SUCLG2: variants seen among roughly 807,000 people sequenced by gnomAD.
The protein encoded by SUCLG2 is succinate-CoA ligase GDP-forming subunit beta.
In SUCLG2, 42 loss-of-function variants were observed where a neutral mutation model predicts 47.9. The ratio of observed to expected loss-of-function variants is 0.88; its 90% CI spans 0.69 to 1.14. The LOEUF is 1.14. Ranked by LOEUF, SUCLG2 falls within the 50% of genes most tolerant of loss-of-function variation. SUCLG2 has a pLI of 0.00. For missense variants in SUCLG2, 571 were observed against 525.9 expected (o/e 1.09, Z -0.84); for synonymous variants, 195 against 197.3 (o/e 0.99, Z 0.10).
intron 1 of SUCLG2, among the ~76,000 whole-genome samples, chr3:67,642,627 T>A (rs562728978): frequency 6.6e-6 from 1 of 151,998 alleles, no homozygotes; most frequent in Admixed American, 6.6e-5. Context: ...CATAAATAAG[T>A]AAAGAAAATA....
intron 2 of SUCLG2, among the ~76,000 whole-genome samples, chr3:67,598,361 C>G (rs764270866): frequency 2.6e-5 from 4 of 152,154 alleles, no homozygotes; most frequent in Non-Finnish European, 5.9e-5. Context: ...TAATCTTATT[C>G]AGGTAACCAA....
chr3:67,606,927 G>A (rs1700429334), intron 2 of SUCLG2, among the ~76,000 whole-genome samples: 1 of 152,170 alleles, frequency 6.6e-6, no homozygotes, highest in Non-Finnish European at 1.5e-5. Context: ...CATAGAAAGG[G>A]TCTGGTGTAT....
chr3:67,523,249 G>C (rs1339158663), intron 4 of SUCLG2, among the ~76,000 whole-genome samples: 1 of 152,154 alleles, frequency 6.6e-6, no homozygotes, highest in African/African-American at 2.4e-5. Flanking sequence ...ATAATGGAAT[G>C]AATATAGAAC....
intron 9 of SUCLG2, among the ~76,000 whole-genome samples, chr3:67,427,940 T>G (rs984651879): frequency 9.2e-5 from 14 of 152,164 alleles, no homozygotes; most frequent in African/African-American, 3.4e-4. Context: ...TTGCTGAGGC[T>G]TGAGTAGGTA....
chr3:67,545,360 C>A (rs1379277916), intron 2 of SUCLG2, among the ~76,000 whole-genome samples: 1 of 152,156 alleles, frequency 6.6e-6, no homozygotes, highest in Non-Finnish European at 1.5e-5. Context: ...TGACCTACCC[C>A]AAGAGAGATG....
chr3:67,390,787 G>C (rs926014588), intron 10 of SUCLG2, among the ~76,000 whole-genome samples: 1 of 152,078 alleles, frequency 6.6e-6, no homozygotes, highest in Non-Finnish European at 1.5e-5. Context: ...TGTACAAAGC[G>C]TTTTGGCCAA....
At chr3:67,652,771 T>C (rs77498358) in intron 1 of SUCLG2, among the ~76,000 whole-genome samples, 1 of 152,214 alleles carries the variant, frequency 6.6e-6, no homozygotes, top group Non-Finnish European at 1.5e-5. Flanking sequence ...AAACTCTCAC[T>C]GTATCGTTGA....
At chr3:67,461,640 G>C (rs1704338336) in intron 9 of SUCLG2, among the ~76,000 whole-genome samples, 2 of 151,922 alleles carry the variant, frequency 1.3e-5, no homozygotes, top group Admixed American at 6.6e-5. Context: ...AAAATGCCTT[G>C]TTATGGTGAG....
chr3:67,637,730 C>CT, intron 1 of SUCLG2, among the ~76,000 whole-genome samples: 1 of 152,256 alleles, frequency 6.6e-6, no homozygotes, highest in Non-Finnish European at 1.5e-5. Context: ...CTCTGCCTTT[C>CT]TTTTTTGGAG....
chr3:67,650,171 T>C (rs1458538465), intron 1 of SUCLG2, among the ~76,000 whole-genome samples: 35 of 152,206 alleles, frequency 2.3e-4, no homozygotes, highest in Admixed American at 2.3e-3. Context: ...ATATTTATTC[T>C]CCTAGGCAAG....
chr3:67,529,299 CTCAAACTAACT>C, intron 2 of SUCLG2, 113 bp from the exon 3 acceptor site: 1 of 712,736 alleles, frequency 1.4e-6, no homozygotes, highest in Non-Finnish European at 2.3e-6. Flanking sequence ...TAAAAGCTCT[CTCAAACTAACT>C]TTGAAAATAA....
intron 9 of SUCLG2, among the ~76,000 whole-genome samples, chr3:67,469,027 C>T (rs1432246256): frequency 6.6e-6 from 1 of 152,106 alleles, no homozygotes; most frequent in East Asian, 1.9e-4. Flanking sequence ...GAAAGAAAAA[C>T]ATGAGAAGGG....
intron 9 of SUCLG2, among the ~76,000 whole-genome samples, chr3:67,459,743 A>G (rs1704279504): frequency 6.6e-6 from 1 of 152,204 alleles, no homozygotes; most frequent in African/African-American, 2.4e-5. Flanking sequence ...TCTCTTACAT[A>G]AAGGAACACT....
At chr3:67,456,525 T>C (rs532211495) in intron 9 of SUCLG2, among the ~76,000 whole-genome samples, 2 of 152,298 alleles carry the variant, frequency 1.3e-5, no homozygotes, top group Admixed American at 1.3e-4. Flanking sequence ...AGTTGCCCTG[T>C]GATCCATGGT....
intron 2 of SUCLG2, among the ~76,000 whole-genome samples, chr3:67,585,988 AAAACC>A (rs1559583756): frequency 6.1e-5 from 3 of 49,426 alleles, no homozygotes; most frequent in African/African-American, 9.7e-5. Flanking sequence ...AAAAAAAAAA[AAAACC>A]AAACCCACAA....
intron 1 of SUCLG2, among the ~76,000 whole-genome samples, chr3:67,647,895 T>C (rs1231727753): frequency 6.6e-6 from 1 of 152,136 alleles, no homozygotes; most frequent in African/African-American, 2.4e-5. Flanking sequence ...TGAAATAAAA[T>C]GTATGGAAGC....
At chr3:67,394,915 C>T (rs906753052) in intron 10 of SUCLG2, among the ~76,000 whole-genome samples, 1 of 151,902 alleles carries the variant, frequency 6.6e-6, no homozygotes, top group African/African-American at 2.4e-5. Flanking sequence ...TCATATCCAC[C>T]CAAACTAAAC....
chr3:67,461,230 A>G (rs994602712), intron 9 of SUCLG2, among the ~76,000 whole-genome samples: 1 of 152,204 alleles, frequency 6.6e-6, no homozygotes, highest in African/African-American at 2.4e-5. Flanking sequence ...CACAGCATGC[A>G]TGAGTTTAAC....
intron 10 of SUCLG2, among the ~76,000 whole-genome samples, chr3:67,361,225 T>C (rs1010680436): frequency 6.6e-6 from 1 of 151,974 alleles, no homozygotes; most frequent in African/African-American, 2.4e-5. Context: ...CACCTATAAA[T>C]GGTAATTATA....
Sources: gnomAD v4.1 joint callset for allele counts (sites outside exome capture counted in the v4.1 genomes callset) on GRCh38, gnomAD v4.1.1 for gene constraint, MANE v1.5 for transcripts, NCBI Gene and HGNC (gene_info 2026-07-23, HGNC 2026-07-21) for gene names.